DCUN1D3: variants seen among roughly 807,000 people sequenced by gnomAD.
DCUN1D3 encodes defective in cullin neddylation 1 domain containing 3.
In DCUN1D3, 6 loss-of-function variants were observed where a neutral mutation model predicts 24.8. The observed-to-expected ratio is 0.24, with a 90% confidence interval of 0.13 to 0.48. The LOEUF is 0.48. Ranked by LOEUF, DCUN1D3 falls within the 20% of genes least tolerant of loss-of-function variation. The probability of loss-of-function intolerance (pLI) is 0.99; values close to 1 mark genes in which losing one functional copy is unlikely to be tolerated. For synonymous variants in DCUN1D3, 120 were observed against 144.9 expected, an observed-to-expected ratio of 0.83 and a Z score of 1.24; for missense variants, 258 against 379.4, an observed-to-expected ratio of 0.68 and a Z score of 2.66.
chr16:20,890,996 A>C (rs2081889759), intron 1 of DCUN1D3, among the ~76,000 whole-genome samples: 1 of 151,584 alleles, frequency 6.6e-6, no homozygotes, highest in African/African-American at 2.4e-5. Flanking sequence ...GAAGTAAAAA[A>C]TGATTTTTTT....
intron 1 of DCUN1D3, among the ~76,000 whole-genome samples, chr16:20,886,064 G>GAAA (rs34484157): frequency 0.034 from 4,675 of 136,460 alleles, 257 homozygotes; most frequent in African/African-American, 0.13. Context: ...TTTTTTCATT[G>GAAA]AAAAAAAAAA....
intron 1 of DCUN1D3, among the ~76,000 whole-genome samples, chr16:20,882,483 T>C (rs2081849430): frequency 6.6e-6 from 1 of 151,956 alleles, no homozygotes; most frequent in African/African-American, 2.4e-5. Flanking sequence ...CAGACTGGTC[T>C]CGAACTCCTG....
chr16:20,866,273 A>G (rs1205703428), intron 1 of DCUN1D3, among the ~76,000 whole-genome samples: 1 of 152,216 alleles, frequency 6.6e-6, no homozygotes, highest in African/African-American at 2.4e-5. Context: ...AAGAAACAAA[A>G]GGCCCAAACT....
intron 1 of DCUN1D3, among the ~76,000 whole-genome samples, chr16:20,886,960 T>A (rs567139751): frequency 2.6e-5 from 4 of 152,238 alleles, no homozygotes; most frequent in South Asian, 4.1e-4. Context: ...CTAAGCACTA[T>A]TGTCCATGAA....
intron 2 of DCUN1D3, 103 bp downstream of exon 2, chr16:20,862,004 AC>A: frequency 7.9e-7 from 1 of 1,258,398 alleles, no homozygotes; most frequent in African/African-American, 1.5e-5. Context: ...CTTACCCAAA[AC>A]CCTATGAAGC....
In DCUN1D3 at chr16:20,859,860, T is replaced by C; in HGVS notation, c.*26A>G. The C allele has an allele frequency of 6.4e-7, 1 of 1,562,238 alleles. No individual in the cohort carries two copies. Among genetic ancestry groups the C allele is most frequent in the Non-Finnish European group, 8.7e-7 (1 of 1,152,328 alleles). ...TGGCTGCAGGGCAGCTGGCAGATCC[T>C]TGCTGCTGCTCCTGGGACAGAGCCA... On this transcript the variant is annotated 3_prime_UTR_variant, in exon 3 of 3. Transcript: ENST00000324344.
intron 1 of DCUN1D3, among the ~76,000 whole-genome samples, chr16:20,867,481 C>T (rs1396898391): frequency 6.6e-6 from 1 of 152,164 alleles, no homozygotes; most frequent in African/African-American, 2.4e-5. Flanking sequence ...CGTTTTTGTC[C>T]ACCAGCACAG....
chr16:20,875,210 GCACA>G (rs3222584), intron 1 of DCUN1D3, among the ~76,000 whole-genome samples: 27,041 of 139,970 alleles, frequency 0.19, 2,820 homozygotes, highest in Non-Finnish European at 0.26. Flanking sequence ...GTGCGCTCAT[GCACA>G]CACACACACA....
intron 1 of DCUN1D3, among the ~76,000 whole-genome samples, chr16:20,870,156 C>T (rs1428459044): frequency 6.6e-6 from 1 of 152,158 alleles, no homozygotes; most frequent in Non-Finnish European, 1.5e-5. Context: ...GTTAGTCTTT[C>T]CAAGGTCTAA....
intron 1 of DCUN1D3, among the ~76,000 whole-genome samples, chr16:20,895,837 A>G (rs2081913043): frequency 6.6e-6 from 1 of 152,238 alleles, no homozygotes; most frequent in East Asian, 1.9e-4. Flanking sequence ...TAAGTTATCA[A>G]GACCCGGGAA....
At chr16:20,891,018 G>A (rs2081889942) in intron 1 of DCUN1D3, among the ~76,000 whole-genome samples, 1 of 151,114 alleles carries the variant, frequency 6.6e-6, no homozygotes, top group South Asian at 2.1e-4. Context: ...TTTTGAGATG[G>A]AGTCTCACTC....
intron 1 of DCUN1D3, 43 bp from the exon 2 acceptor site, chr16:20,862,686 T>C (rs2081739907): frequency 1.3e-6 from 2 of 1,490,582 alleles, no homozygotes; most frequent in Non-Finnish European, 8.9e-7. Flanking sequence ...GTGGGGGAAA[T>C]GGGGTATGGA....
At chr16:20,895,759 C>T (rs181869356) in intron 1 of DCUN1D3, among the ~76,000 whole-genome samples, 66 of 152,338 alleles carry the variant, frequency 4.3e-4, no homozygotes, top group Admixed American at 4.3e-3. Flanking sequence ...AAGACACTAA[C>T]TCAATTAACC....
At chr16:20,883,810 T>C (rs1596637994) in intron 1 of DCUN1D3, among the ~76,000 whole-genome samples, 1 of 152,238 alleles carries the variant, frequency 6.6e-6, no homozygotes, top group Non-Finnish European at 1.5e-5. Flanking sequence ...AATCAACGAT[T>C]GAGAGCTGTG....
At chr16:20,897,414 C>A (rs1356885134) in intron 1 of DCUN1D3, among the ~76,000 whole-genome samples, 4 of 152,178 alleles carry the variant, frequency 2.6e-5, no homozygotes, top group Non-Finnish European at 4.4e-5. Flanking sequence ...TGGAATTGAG[C>A]CCCACAATGG....
chr16:20,858,992 C>T lies in DCUN1D3; in HGVS notation c.*894G>A, dbSNP rs1256602241. The T allele has an allele frequency of 2.7e-5, 4 of 150,110 alleles. No homozygotes were observed. The highest frequency in any genetic ancestry group is 4.4e-5 in the Non-Finnish European group (3 of 67,482). The allele number at this position is 150,110 out of a possible 1,614,324, so 9.3% of individuals were successfully genotyped here. On this transcript the variant is annotated 3_prime_UTR_variant, in exon 3 of 3. Transcript: ENST00000324344. ...AAACAAAAAAAAGTATTTCCACTTA[C>T]AACATGAAAATACAGAAACTTCATC...
chr16:20,896,952 G>A (rs1400526134), intron 1 of DCUN1D3, among the ~76,000 whole-genome samples: 1 of 152,154 alleles, frequency 6.6e-6, no homozygotes, highest in Non-Finnish European at 1.5e-5. Context: ...CCCCAGAACT[G>A]CCCAGAAAGC....
At chr16:20,865,625 G>A (rs572006573) in intron 1 of DCUN1D3, among the ~76,000 whole-genome samples, 22 of 152,190 alleles carry the variant, frequency 1.4e-4, no homozygotes, top group Non-Finnish European at 2.1e-4. Context: ...AGAAGTCAAC[G>A]TCAGTCACCC....
At chr16:20,868,084 C>A (rs117199575) in intron 1 of DCUN1D3, among the ~76,000 whole-genome samples, 3 of 152,312 alleles carry the variant, frequency 2.0e-5, no homozygotes, top group Non-Finnish European at 4.4e-5. Context: ...CTCTGTAGAT[C>A]TCTGCAAAAG....
Sources: gnomAD v4.1 joint callset for allele counts (sites outside exome capture counted in the v4.1 genomes callset) on GRCh38, gnomAD v4.1.1 for gene constraint, MANE v1.5 for transcripts, NCBI Gene and HGNC (gene_info 2026-07-23, HGNC 2026-07-21) for gene names.